Variants in MCTP1 observed in about 807,000 individuals in gnomAD.
MCTP1 encodes the protein multiple C2 and transmembrane domain-containing protein 1.
MCTP1 carries 69 observed loss-of-function variants against 120.6 expected under a neutral mutation model. That is an observed-to-expected ratio of 0.57 (90% CI 0.47 to 0.70). The LOEUF is 0.70. Ranked by LOEUF, MCTP1 falls within the 30% of genes least tolerant of loss-of-function variation. The probability of loss-of-function intolerance (pLI) is 0.00; values close to 1 mark genes in which losing one functional copy is unlikely to be tolerated. For missense variants in MCTP1, 1,203 were observed against 1,248.8 expected (o/e 0.96, Z 0.55); for synonymous variants, 529 against 493.1 (o/e 1.07, Z -0.96).
Position 94,711,048 on chromosome 5 carries a change from A to G in MCTP1, c.2721-121T>C, listed in dbSNP as rs898801815. ...GCATTTCTCTCTGGAATAGATTCCA[A>G]TTGTAATAGGTTATCAGAGGACGCA... On this transcript the variant is annotated intron_variant, in intron 20 of 22. Transcript: ENST00000515393. 5 of 723,610 alleles carry G rather than the reference A, an allele frequency of 6.9e-6. No individual in the cohort carries two copies. The African/African-American group carries it at 7.2e-5, about 10-fold the overall frequency. 44.8% of individuals were successfully genotyped at this position (723,610 alleles called of 1,614,324 possible).
At chr5:94,780,229 A>G (rs902879817) in intron 18 of MCTP1, among the ~76,000 whole-genome samples, 2 of 150,134 alleles carry the variant, frequency 1.3e-5, no homozygotes, top group African/African-American at 4.9e-5. Flanking sequence ...CAAAGCTCAT[A>G]TTAGAGGACA....
intron 10 of MCTP1, among the ~76,000 whole-genome samples, chr5:94,908,341 G>A (rs1400426723): frequency 6.6e-6 from 1 of 151,756 alleles, no homozygotes; most frequent in South Asian, 2.1e-4. Context: ...ATAATCCTAT[G>A]AAGAAAATGA....
intron 7 of MCTP1, among the ~76,000 whole-genome samples, chr5:94,922,495 C>CT (rs58793916): frequency 1.4e-4 from 21 of 146,348 alleles, no homozygotes; most frequent in East Asian, 3.9e-4. Flanking sequence ...TATTCCCCCC[C>CT]TTTTTTTTTT....
At chr5:94,847,676 G>GTATATATATA (rs1457954338) in intron 17 of MCTP1, among the ~76,000 whole-genome samples, 2 of 132,580 alleles carry the variant, frequency 1.5e-5, no homozygotes, top group African/African-American at 6.1e-5. Context: ...GTGTGTGTGT[G>GTATATATATA]TGTGTGTATA....
chr5:94,855,289 G>T (rs912647776), intron 17 of MCTP1, among the ~76,000 whole-genome samples: 1 of 151,758 alleles, frequency 6.6e-6, no homozygotes, highest in African/African-American at 2.4e-5. Flanking sequence ...AAAGCAGTCA[G>T]CCCTAATATC....
chr5:95,115,342 C>A (rs1960892), intron 1 of MCTP1, among the ~76,000 whole-genome samples: 73,402 of 151,544 alleles, frequency 0.48, 19,945 homozygotes, highest in Non-Finnish European at 0.62. Flanking sequence ...GACAGAGAAT[C>A]AAAAATAGCT....
intron 1 of MCTP1, among the ~76,000 whole-genome samples, chr5:95,047,500 A>G (rs1198578729): frequency 1.3e-5 from 2 of 152,170 alleles, no homozygotes; most frequent in East Asian, 1.9e-4. Flanking sequence ...ACTAATAAAA[A>G]TAATGAACTT....
At position 94,931,754 on chromosome 5, in the gene MCTP1, A is replaced by G. The variant is rs1006740264; in HGVS notation, c.1212+199T>C. On this transcript the variant is annotated intron_variant, in intron 6 of 22. Transcript: ENST00000515393. Reference sequence around the variant, plus strand: ...GTTGAGAAGTGACCAGAGAATAGTGAAAGGATGATTTGAAGCTATTGATCG... The same window carrying G: ...GTTGAGAAGTGACCAGAGAATAGTGGAAGGATGATTTGAAGCTATTGATCG... 6.9e-6 allele frequency: 4 copies of G among 576,698 alleles called. No individual in the cohort carries two copies. The African/African-American group carries it at 7.7e-5, about 11-fold the overall frequency. 35.7% of individuals were successfully genotyped at this position (576,698 alleles called of 1,614,324 possible).
chr5:95,077,274 T>C (rs1021264750), intron 1 of MCTP1, among the ~76,000 whole-genome samples: 1 of 152,218 alleles, frequency 6.6e-6, no homozygotes, highest in Non-Finnish European at 1.5e-5. Flanking sequence ...ATTTTCTTCA[T>C]AATAAATTAT....
At chr5:95,145,458 C>A (rs952879515) in intron 1 of MCTP1, among the ~76,000 whole-genome samples, 1 of 152,122 alleles carries the variant, frequency 6.6e-6, no homozygotes, top group Non-Finnish European at 1.5e-5. Context: ...AAGTGGGCAT[C>A]CTTATCTTGT....
intron 5 of MCTP1, among the ~76,000 whole-genome samples, chr5:94,934,737 G>GTA (rs33925525): frequency 7.3e-6 from 1 of 136,586 alleles, no homozygotes; most frequent in African/African-American, 2.7e-5. Context: ...AGATAAAGAA[G>GTA]TTTTTTTTTT....
chr5:94,910,782 G>GTAGCTACTTTAATATATGTTATATATTA (rs533195999), intron 9 of MCTP1, among the ~76,000 whole-genome samples: 6,251 of 151,706 alleles, frequency 0.041, 188 homozygotes, highest in African/African-American at 0.085. Flanking sequence ...TTTGGAATCA[G>GTAGCTACTTTAATATATGTTATATATTA]TAGCTACTTT....
At chr5:95,267,553 ATT>A (rs1759007822) in intron 1 of MCTP1, among the ~76,000 whole-genome samples, 1 of 152,194 alleles carries the variant, frequency 6.6e-6, no homozygotes, top group Non-Finnish European at 1.5e-5. Flanking sequence ...TTTTGTCGAC[ATT>A]TTTAAAATGT....
intron 19 of MCTP1, among the ~76,000 whole-genome samples, chr5:94,775,748 C>G (rs1775151343): frequency 1.3e-5 from 2 of 151,776 alleles, no homozygotes; most frequent in South Asian, 4.2e-4. Flanking sequence ...CCACGTAAAA[C>G]CTGTATTCTC....
chr5:95,248,579 A>T lies in MCTP1; in HGVS notation c.720+35277T>A, dbSNP rs183684250. On this transcript the variant is annotated intron_variant, in intron 1 of 22. Coordinates refer to ENST00000515393, the MANE Select transcript of MCTP1 (RefSeq NM_024717.7). ...TGGATAGGAAGAATCAATATCGTAA[A>T]AATGGCCAGAATGCCCAAGGTAATT... 2.0e-3 allele frequency among the ~76,000 whole-genome samples: 305 copies of T among 152,282 alleles called. 1 individual carries two copies. The highest frequency in any genetic ancestry group is 3.0e-3 in the Non-Finnish European group (204 of 68,018).
In MCTP1 at chr5:94,867,377, C is replaced by A. The variant is rs987466539; in HGVS notation, c.2436+956G>T. On this transcript the variant is annotated intron_variant, in intron 17 of 22. Coordinates refer to ENST00000515393, the MANE Select transcript of MCTP1 (RefSeq NM_024717.7). ...CTCAGACATTAATGAAAGTCCCATA[C>A]AAGGCCTGAGAGGAAGACAGAGCTC... 4 of 1,521,462 alleles carry A rather than the reference C, an allele frequency of 2.6e-6. No homozygotes were observed. In the African/African-American group the frequency reaches 5.5e-5, roughly 21 times the overall value. The allele number at this position is 1,521,462 out of a possible 1,614,324, so 94.2% of individuals were successfully genotyped here.
At chr5:94,953,943 A>AATATAATATATGCATATATATACAAAT (rs1821492697) in intron 2 of MCTP1, among the ~76,000 whole-genome samples, 1 of 20,814 alleles carries the variant, frequency 4.8e-5, no homozygotes, top group Admixed American at 7.2e-4. Flanking sequence ...TATATATACA[A>AATATAATATATGCATATATATACAAAT]ATATATATGC....
chr5:95,172,991 C>T (rs145054423), intron 1 of MCTP1, among the ~76,000 whole-genome samples: 2 of 152,100 alleles, frequency 1.3e-5, no homozygotes, highest in African/African-American at 4.8e-5. Flanking sequence ...TTAATTTCAG[C>T]CTTTTTTTTA....
chr5:95,168,439 A>G (rs996993092), intron 1 of MCTP1, among the ~76,000 whole-genome samples: 2 of 152,172 alleles, frequency 1.3e-5, no homozygotes, highest in African/African-American at 4.8e-5. Context: ...GAAGAAAGTC[A>G]TTGGTAGCTT....
Sources: allele counts gnomAD v4.1 joint callset (sites outside exome capture counted in the v4.1 genomes callset), GRCh38; gene constraint gnomAD v4.1.1; transcripts MANE v1.5; gene names NCBI Gene and HGNC (gene_info 2026-07-23, HGNC 2026-07-21).